HSD17B2: variants seen among roughly 807,000 people sequenced by gnomAD.
HSD17B2 encodes the protein 17-beta-hydroxysteroid dehydrogenase type 2.
HSD17B2 carries 32 observed loss-of-function variants against 26.9 expected under a neutral mutation model. The ratio of observed to expected loss-of-function variants is 1.19; its 90% confidence interval spans 0.90 to 1.60. The LOEUF is 1.60. Among genes scored for constraint, HSD17B2 ranks in the 40% most tolerant of loss-of-function variants. HSD17B2 has a pLI of 0.00. For synonymous variants in HSD17B2, 246 were observed against 186.7 expected (o/e 1.32, Z -2.59); for missense variants, 613 against 468.6 (o/e 1.31, Z -2.85).
At chr16:82,061,610 C>A (rs1914440840) in intron 1 of HSD17B2, among the ~76,000 whole-genome samples, 1 of 152,040 alleles carries the variant, frequency 6.6e-6, no homozygotes, top group Admixed American at 6.5e-5. Flanking sequence ...TATGTAAAAC[C>A]AGTCTATATA....
chr16:82,045,771 G>C (rs1913907799), intron 1 of HSD17B2, among the ~76,000 whole-genome samples: 1 of 152,226 alleles, frequency 6.6e-6, no homozygotes, highest in African/African-American at 2.4e-5. Flanking sequence ...CCAGTGTTGA[G>C]ACCCTTGGCT....
intron 1 of HSD17B2, among the ~76,000 whole-genome samples, chr16:82,061,008 C>T (rs961187922): frequency 6.6e-6 from 1 of 152,068 alleles, no homozygotes; most frequent in Admixed American, 6.5e-5. Flanking sequence ...CACCTGTAAT[C>T]CCAGCACTTT....
chr16:82,053,514 C>T (rs1028018182), intron 1 of HSD17B2, among the ~76,000 whole-genome samples: 7 of 152,006 alleles, frequency 4.6e-5, no homozygotes, highest in South Asian at 2.1e-4. Context: ...ACCAATGATA[C>T]GTTTAGCAGG....
chr16:82,060,305 C>T (rs886753951), intron 1 of HSD17B2, among the ~76,000 whole-genome samples: 8 of 152,196 alleles, frequency 5.3e-5, no homozygotes, highest in Non-Finnish European at 1.0e-4. Flanking sequence ...GGTCAGGGAT[C>T]TCCAACTCAA....
At chr16:82,041,942 T>G (rs1913776860) in intron 1 of HSD17B2, among the ~76,000 whole-genome samples, 1 of 152,060 alleles carries the variant, frequency 6.6e-6, no homozygotes, top group South Asian at 2.1e-4. Flanking sequence ...ATTTGGCATG[T>G]TTTAAAAAAA....
chr16:82,086,472 G>C (rs1335600266), intron 3 of HSD17B2, among the ~76,000 whole-genome samples: 1 of 152,058 alleles, frequency 6.6e-6, no homozygotes, highest in Non-Finnish European at 1.5e-5. Flanking sequence ...ACAATGTAAA[G>C]GAAATAAAAT....
intron 1 of HSD17B2, among the ~76,000 whole-genome samples, chr16:82,037,454 A>G (rs1029176123): frequency 6.6e-6 from 1 of 152,232 alleles, no homozygotes; most frequent in Non-Finnish European, 1.5e-5. Context: ...GGCTTATGAT[A>G]ACATAGATTA....
intron 3 of HSD17B2, among the ~76,000 whole-genome samples, chr16:82,082,973 G>A (rs1904423203): frequency 6.6e-6 from 1 of 152,062 alleles, no homozygotes. Flanking sequence ...TCCTTCCCTG[G>A]TGACTCAGTG....
intron 1 of HSD17B2, among the ~76,000 whole-genome samples, chr16:82,058,633 T>C (rs1196301721): frequency 6.6e-6 from 1 of 152,132 alleles, no homozygotes. Flanking sequence ...ATCAGCTTTG[T>C]GTTGGTTCAC....
chr16:82,036,989 G>A (rs774478895), intron 1 of HSD17B2, among the ~76,000 whole-genome samples: 2 of 152,178 alleles, frequency 1.3e-5, no homozygotes, highest in African/African-American at 4.8e-5. Flanking sequence ...ATCCCTTCTT[G>A]CTTGTTTATT....
At chr16:82,043,260 C>T (rs1215303591) in intron 1 of HSD17B2, among the ~76,000 whole-genome samples, 1 of 152,172 alleles carries the variant, frequency 6.6e-6, no homozygotes, top group Non-Finnish European at 1.5e-5. Flanking sequence ...CTGGGGCTCC[C>T]CAGGCAGGAT....
intron 3 of HSD17B2, among the ~76,000 whole-genome samples, chr16:82,075,834 T>C (rs1464864557): frequency 7.3e-5 from 11 of 150,022 alleles, no homozygotes; most frequent in Admixed American, 5.3e-4. Context: ...TGAAAAATAA[T>C]GGTGGAGGGA....
intron 1 of HSD17B2, among the ~76,000 whole-genome samples, chr16:82,039,423 T>C (rs1466538920): frequency 6.6e-6 from 1 of 150,522 alleles, no homozygotes; most frequent in Non-Finnish European, 1.5e-5. Flanking sequence ...AGGAAGAACA[T>C]GAAGGAACAA....
chr16:82,089,505 G>T (rs193055236), intron 3 of HSD17B2, among the ~76,000 whole-genome samples: 4 of 152,264 alleles, frequency 2.6e-5, no homozygotes, highest in Admixed American at 1.3e-4. Flanking sequence ...GTGTCTTCCT[G>T]CTGAAGACCA....
intron 3 of HSD17B2, among the ~76,000 whole-genome samples, chr16:82,084,843 C>T (rs1904480095): frequency 6.6e-6 from 1 of 152,170 alleles, no homozygotes; most frequent in Admixed American, 6.5e-5. Context: ...AGCGATCCTC[C>T]CACTTCAGTC....
intron 3 of HSD17B2, chr16:82,071,437 C>A (rs947809477): frequency 2.3e-6 from 1 of 426,808 alleles, no homozygotes; most frequent in African/African-American, 2.0e-5. Flanking sequence ...TCTCACATTA[C>A]AAATAATGTC....
At chr16:82,087,432 A>C (rs1904559412) in intron 3 of HSD17B2, among the ~76,000 whole-genome samples, 1 of 152,196 alleles carries the variant, frequency 6.6e-6, no homozygotes, top group Admixed American at 6.5e-5. Flanking sequence ...TATTTATCTC[A>C]TCTTACGTCA....
At chr16:82,037,711 G>A (rs193109195) in intron 1 of HSD17B2, among the ~76,000 whole-genome samples, 1 of 152,244 alleles carries the variant, frequency 6.6e-6, no homozygotes, top group East Asian at 1.9e-4. Flanking sequence ...CATCCTCTGG[G>A]TATAACAATG....
intron 1 of HSD17B2, chr16:82,056,575 C>G (rs1459906312): frequency 6.6e-6 from 1 of 152,204 alleles, no homozygotes; most frequent in Non-Finnish European, 1.5e-5. Context: ...GTGGGGACAA[C>G]TGGAAGGAGA....
Sources: allele counts gnomAD v4.1 joint callset (sites outside exome capture counted in the v4.1 genomes callset), GRCh38; gene constraint gnomAD v4.1.1; transcripts MANE v1.5; gene names NCBI Gene and HGNC (gene_info 2026-07-23, HGNC 2026-07-21).